KLHDC8A: variants seen among roughly 807,000 people sequenced by gnomAD.
KLHDC8A encodes kelch domain containing 8A.
KLHDC8A carries 21 observed loss-of-function variants against 33.1 expected under a neutral mutation model. That is an observed-to-expected ratio of 0.64 (90% CI 0.45 to 0.91). KLHDC8A has a LOEUF of 0.91. Among genes scored for constraint, KLHDC8A ranks in the 40% least tolerant of loss-of-function variants. KLHDC8A has a pLI of 0.00. For missense variants in KLHDC8A, 435 were observed against 483.3 expected, an observed-to-expected ratio of 0.90 and a Z score of 0.94; for synonymous variants, 173 against 193.5, an observed-to-expected ratio of 0.89 and a Z score of 0.88.
rs200936448 is a variant in KLHDC8A, at chr1:205,339,241, C to T, written c.710G>A (p.Arg237Gln). The T allele has an allele frequency of 9.8e-5, 158 of 1,614,054 alleles. 1 individual carries two copies. Among genetic ancestry groups the T allele is most frequent in the Non-Finnish European group, 6.3e-5 (74 of 1,180,040 alleles). The change falls in exon 4 of 6, where the codon CGG (arginine) becomes CAG (glutamine). Residue 237 changes from arginine (R) to glutamine (Q), a missense_variant. Transcript: ENST00000367155. This position sits in a 1 kb window ranked among gnomAD's most constrained non-coding sequence, Gnocchi z 5.1. ...CATCGTCCGCAGGAACTTGGGCTGC[C>T]GGTAGAGGCGACCTTGCCGCAGGCC... Reference protein sequence around the residue: ...LGGLRQGRLYRQPKFLRTMDV... With the variant: ...LGGLRQGRLYQQPKFLRTMDV...
At chr1:205,344,456 T>G (rs972647815) in intron 1 of KLHDC8A, 8 of 152,310 alleles carry the variant, frequency 5.3e-5, no homozygotes, top group Non-Finnish European at 7.3e-5. Flanking sequence ...GCGCTCACCT[T>G]GTCTACAGGG....
intron 1 of KLHDC8A, among the ~76,000 whole-genome samples, chr1:205,353,538 G>A (rs528668521): frequency 7.0e-4 from 107 of 152,136 alleles, no homozygotes; most frequent in Non-Finnish European, 1.2e-3. Context: ...TTTATTTTTT[G>A]TTTTCTTGTT....
intron 1 of KLHDC8A, among the ~76,000 whole-genome samples, chr1:205,348,804 T>C (rs531119764): frequency 8.3e-4 from 127 of 152,252 alleles, no homozygotes; most frequent in Middle Eastern, 6.8e-3. Flanking sequence ...CCAGGGCCCA[T>C]ACCCTCCTGT....
intron 1 of KLHDC8A, chr1:205,351,151 C>T (rs1663093159): frequency 4.4e-6 from 3 of 689,186 alleles, no homozygotes; most frequent in Non-Finnish European, 8.0e-6. Context: ...ATAGAGATTC[C>T]TCACCTGGTA....
rs202228818 is a variant in KLHDC8A at position 205,337,464 on chromosome 1, C to A, written c.988G>T (p.Ala330Ser). The change falls in exon 6 of 6, where the codon GCC becomes TCC. Residue 330 changes from alanine to serine, a missense_variant. Transcript: ENST00000367155. ...SSIVVKNCLL[A>S]VGGVNQGLSD... ...AGACCCTGGTTGACACCTCCCACGG[C>A]GAGGAGGCAGTTCTTGACGACTATG... The A allele has an allele frequency of 1.2e-6, 2 of 1,613,944 alleles. No homozygotes were observed. The highest frequency in any genetic ancestry group is 4.5e-5 in the East Asian group (2 of 44,872).
chr1:205,351,930 AAAGG>A (rs1423690321), intron 1 of KLHDC8A, among the ~76,000 whole-genome samples: 2 of 152,088 alleles, frequency 1.3e-5, no homozygotes, highest in South Asian at 2.1e-4. Flanking sequence ...AAAAAAAAAA[AAAGG>A]AGGTTTTCTC....
Position 205,343,518 on chromosome 1 carries a change from G to T in KLHDC8A, c.87C>A (p.Thr29=), listed in dbSNP as rs764808878. The T allele has an allele frequency of 6.2e-7, 1 of 1,613,336 alleles. No individual in the cohort carries two copies. The highest frequency in any genetic ancestry group is 8.5e-7 in the Non-Finnish European group (1 of 1,179,822). The change falls in exon 2 of 6, where the codon ACC becomes ACA. Residue 29 remains threonine (T), a synonymous_variant. Transcript: ENST00000367155. ...SRRVYCSLLE[T]GGQVYAIGGC... ...CCCCGATGGCATAGACCTGGCCCCCGGTCTCCAGCAGGGAGCAGTAGACCC... is the reference window on the plus strand; with the variant it reads ...CCCCGATGGCATAGACCTGGCCCCCTGTCTCCAGCAGGGAGCAGTAGACCC...
At chr1:205,350,011 CGGGGAGCCCTAGAGAAAGAAGCA>C (rs1370403644) in intron 1 of KLHDC8A, among the ~76,000 whole-genome samples, 2 of 152,124 alleles carry the variant, frequency 1.3e-5, no homozygotes, top group African/African-American at 2.4e-5. Flanking sequence ...GCTATACAGG[CGGGGAGCCCTAGAGAAAGAAGCA>C]TTTAGCCATA....
chr1:205,337,711 C>G, intron 5 of KLHDC8A, 119 bp from the exon 6 acceptor site: 5 of 679,526 alleles, frequency 7.4e-6, no homozygotes, highest in African/African-American at 1.8e-5. Context: ...AGGTCAACTT[C>G]CTTGGCTACA....
chr1:205,340,908 G>C (rs1162271926), intron 2 of KLHDC8A, among the ~76,000 whole-genome samples: 2 of 152,354 alleles, frequency 1.3e-5, no homozygotes, highest in South Asian at 2.1e-4. Flanking sequence ...GACTGCTGCT[G>C]GTTCTGTGTC....
chr1:205,338,096 T>A (rs763086650), intron 5 of KLHDC8A, among the ~76,000 whole-genome samples: 1 of 152,226 alleles, frequency 6.6e-6, no homozygotes, highest in Non-Finnish European at 1.5e-5. Flanking sequence ...TCTGTTGAAC[T>A]TATTTAATCA....
At chr1:205,353,547 T>G (rs1416348260) in intron 1 of KLHDC8A, among the ~76,000 whole-genome samples, 1 of 152,198 alleles carries the variant, frequency 6.6e-6, no homozygotes, top group African/African-American at 2.4e-5. Context: ...TGTTTTCTTG[T>G]TTGTGTGATA....
At chr1:205,345,289 T>C (rs1458225691) in intron 1 of KLHDC8A, among the ~76,000 whole-genome samples, 1 of 152,224 alleles carries the variant, frequency 6.6e-6, no homozygotes, top group African/African-American at 2.4e-5. Context: ...TCTATATATT[T>C]TTAAACTAGA....
At position 205,339,206 on chromosome 1, in the gene KLHDC8A, C is replaced by A; in HGVS notation, c.745G>T (p.Asp249Tyr). 1 of 1,613,938 alleles carries A rather than the reference C, an allele frequency of 6.2e-7. No individual in the cohort carries two copies. The highest frequency in any genetic ancestry group is 8.5e-7 in the Non-Finnish European group (1 of 1,179,908). The change falls in exon 4 of 6, where the codon GAC (aspartate) becomes TAC (tyrosine). Residue 249 changes from aspartate (D) to tyrosine (Y), a missense_variant. Asp to Tyr is a radical substitution (Grantham distance 160). Transcript: ENST00000367155. This position sits in a 1 kb window ranked among gnomAD's most constrained non-coding sequence, Gnocchi z 5.1. ...GTGACCAGCTCACCCTGTTCCATGT[C>A]GAACACGTCCATCGTCCGCAGGAAC... ...PKFLRTMDVF[D>Y]MEQGGWLKME...
In KLHDC8A at chr1:205,343,663, T is replaced by C. The variant is rs934469415; in HGVS notation, c.-59A>G. On this transcript the variant is annotated 5_prime_UTR_variant, in exon 2 of 6. An upstream open reading frame in the 5' UTR loses its in-frame stop. Coordinates refer to ENST00000367155, the MANE Select transcript of KLHDC8A (RefSeq NM_018203.3). ...GGTGCGAGCGCGGGGGTCCACCGGC[T>C]ACTTGGCGCCGGCTCCCACGGCCCC... 345 of 1,496,376 alleles carry C rather than the reference T, an allele frequency of 2.3e-4. 1 individual carries two copies. Among genetic ancestry groups the C allele is most frequent in the Non-Finnish European group, 2.9e-4 (328 of 1,124,522 alleles). The allele number at this position is 1,496,376 out of a possible 1,614,324, so 92.7% of individuals were successfully genotyped here.
In KLHDC8A at chr1:205,339,123, G is replaced by T; in HGVS notation, c.757+71C>A. ...GGCCCTGGAAGATGGCTGGAATAGG[G>T]GTAAGGGATGGGGAGCCAGCCAGAA... On this transcript the variant is annotated intron_variant, in intron 4 of 5. Coordinates refer to ENST00000367155, the MANE Select transcript of KLHDC8A (RefSeq NM_018203.3). The surrounding 1 kb of genome is among the most constrained non-coding windows in gnomAD (Gnocchi z 5.1). 1.5e-6 allele frequency: 2 copies of T among 1,305,708 alleles called. No individual in the cohort carries two copies. 80.9% of individuals were successfully genotyped at this position (1,305,708 alleles called of 1,614,324 possible). A position where few individuals can be genotyped will look rare whatever the true frequency, so the allele number is the denominator to read the frequency against.
At chr1:205,347,398 C>T (rs959218737) in intron 1 of KLHDC8A, among the ~76,000 whole-genome samples, 6 of 152,120 alleles carry the variant, frequency 3.9e-5, no homozygotes, top group African/African-American at 1.4e-4. Context: ...AACATTAAGC[C>T]GGTGTTTCTC....
At position 205,339,998 on chromosome 1, in the gene KLHDC8A, CTGTT is replaced by C; in HGVS notation, c.377-194_377-191del. ...TCCTGCTATAGCTAAGCCTGAGAGTCTGTTTCTTTTTTTTTATTTTTATTATTAT... is the reference window on the plus strand; with the variant it reads ...TCCTGCTATAGCTAAGCCTGAGAGTCTCTTTTTTTTTATTTTTATTATTAT... On this transcript the variant is annotated intron_variant, in intron 2 of 5. Transcript: ENST00000367155. The surrounding 1 kb of genome is among the most constrained non-coding windows in gnomAD (Gnocchi z 5.1). The C allele has an allele frequency of 2.5e-6, 1 of 404,908 alleles. No individual in the cohort carries two copies. The highest frequency in any genetic ancestry group is 4.3e-6 in the Non-Finnish European group (1 of 230,134). The allele number at this position is 404,908 out of a possible 1,614,324, so 25.1% of individuals were successfully genotyped here. A position where few individuals can be genotyped will look rare whatever the true frequency, so the allele number is the denominator to read the frequency against.
Position 205,356,532 on chromosome 1 carries a change from C to G in KLHDC8A, c.-190+1G>C. The G allele has an allele frequency of 2.2e-6, 1 of 456,292 alleles. No individual in the cohort carries two copies. 28.3% of individuals were successfully genotyped at this position (456,292 alleles called of 1,614,324 possible). ...CATAGATGGATTGAAATAAAACTTA[C>G]CTGACTGGAGGGAAAAGGATCGACA... On this transcript the variant is annotated splice_donor_variant, in intron 1 of 5. Coordinates refer to ENST00000367155, the MANE Select transcript of KLHDC8A (RefSeq NM_018203.3). LOFTEE classifies it low-confidence loss of function (5UTR_SPLICE).
Sources: allele counts gnomAD v4.1 joint callset (sites outside exome capture counted in the v4.1 genomes callset), GRCh38; gene constraint gnomAD v4.1.1; non-coding constraint Gnocchi (gnomAD v3.1); transcripts MANE v1.5; gene names NCBI Gene and HGNC (gene_info 2026-07-23, HGNC 2026-07-21).